Variants in UPK3BL2 observed in about 807,000 individuals in gnomAD.
UPK3BL2 encodes uroplakin-3b-like protein 2.
Under a neutral mutation model 11.3 loss-of-function variants are expected in UPK3BL2, and 1 was observed. That is an observed-to-expected ratio of 0.09 (90% CI 0.03 to 0.42). The LOEUF is 0.42. Among genes scored for constraint, UPK3BL2 ranks in the 10% least tolerant of loss-of-function variants. The probability of loss-of-function intolerance (pLI) is 0.98; values close to 1 mark genes in which losing one functional copy is unlikely to be tolerated.
intron 3 of UPK3BL2, among the ~76,000 whole-genome samples, chr7:102,540,857 A>AAACAAAAAAAAAC (rs1488444467): frequency 3.3e-5 from 3 of 92,286 alleles, no homozygotes; most frequent in East Asian, 6.4e-4. Context: ...AAACAAAACA[A>AAACAAAAAAAAAC]AAAAAAAAAA....
chr7:102,538,245 C>T (rs1425860666), downstream of UPK3BL2: 6 of 302,738 alleles, frequency 2.0e-5, no homozygotes, highest in Non-Finnish European at 3.1e-5. Flanking sequence ...GAGCCAAGAT[C>T]GCGCCAGCCT....
intron 3 of UPK3BL2, among the ~76,000 whole-genome samples, chr7:102,540,865 AAAAAAAAAAAAGAAGAAAAGG>A (rs1800232497): frequency 4.9e-5 from 6 of 121,724 alleles, no homozygotes; most frequent in African/African-American, 1.4e-4. Flanking sequence ...CAAAAAAAAA[AAAAAAAAAAAAGAAGAAAAGG>A]AAAAAAAAAA....
chr7:102,540,855 C>CAAAAAAAAAAAAAAAAAAAAAAAAAA (rs1158192702), intron 3 of UPK3BL2, among the ~76,000 whole-genome samples: 1 of 61,262 alleles, frequency 1.6e-5, no homozygotes, highest in African/African-American at 4.8e-5. Context: ...AAAAACAAAA[C>CAAAAAAAAAAAAAAAAAAAAAAAAAA]AAAAAAAAAA....
chr7:102,540,855 C>CA (rs1158192702), intron 3 of UPK3BL2, among the ~76,000 whole-genome samples: 2,860 of 61,570 alleles, frequency 0.046, 67 homozygotes, highest in African/African-American at 0.074. Context: ...AAAAACAAAA[C>CA]AAAAAAAAAA....
intron 1 of UPK3BL2, chr7:102,542,139 G>A (rs1432571009): frequency 1.0e-6 from 1 of 981,608 alleles, no homozygotes; most frequent in African/African-American, 1.7e-5. Context: ...TCGGGGGGAT[G>A]GCACAGGAAG....
chr7:102,543,000 A>G (rs1349550175), intron 1 of UPK3BL2, among the ~76,000 whole-genome samples: 6 of 144,860 alleles, frequency 4.1e-5, no homozygotes, highest in Admixed American at 1.4e-4. Context: ...TCTGTCTCGA[A>G]AAAAAAAAAA....
intron 3 of UPK3BL2, among the ~76,000 whole-genome samples, chr7:102,540,855 CAAAAAAAAA>C (rs1158192702): frequency 9.8e-5 from 6 of 61,264 alleles, no homozygotes; most frequent in African/African-American, 2.9e-4. Flanking sequence ...AAAAACAAAA[CAAAAAAAAA>C]AAAAAAAAAA....
chr7:102,540,886 G>GAAAAAA (rs374079023), intron 3 of UPK3BL2, among the ~76,000 whole-genome samples: 3 of 73,316 alleles, frequency 4.1e-5, no homozygotes, highest in East Asian at 4.8e-4. Flanking sequence ...AGAAGAAAAG[G>GAAAAAA]AAAAAAAAAA....
intron 3 of UPK3BL2, among the ~76,000 whole-genome samples, chr7:102,540,867 A>AAAC (rs1800232861): frequency 7.6e-6 from 1 of 132,038 alleles, no homozygotes; most frequent in Non-Finnish European, 1.7e-5. Context: ...AAAAAAAAAA[A>AAAC]AAAAAAAAAG....
chr7:102,538,088 G>A (rs1481291773), downstream of UPK3BL2: 1 of 26,042 alleles, frequency 3.8e-5, no homozygotes, highest in African/African-American at 4.9e-5. Context: ...GTCAAGAGAC[G>A]GAGGCCATCC....
At chr7:102,540,821 G>C in intron 3 of UPK3BL2, among the ~76,000 whole-genome samples, 1 of 134,108 alleles carries the variant, frequency 7.5e-6, no homozygotes, top group Non-Finnish European at 1.5e-5. Context: ...TCCAGCCTGG[G>C]TCACAGAGCA....
intron 3 of UPK3BL2, among the ~76,000 whole-genome samples, chr7:102,540,850 C>CAA (rs1800223967): frequency 1.6e-4 from 10 of 60,686 alleles, no homozygotes; most frequent in Non-Finnish European, 1.9e-4. Flanking sequence ...TCTCAAAAAA[C>CAA]AAAACAAAAA....
At position 102,540,855 on chromosome 7, in the gene UPK3BL2, C is replaced by CAAAACAAAAA. The variant is rs1479651896; in HGVS notation, c.485+237_485+238insTTTTTGTTTT. ...CAAGACTCCATCTCAAAAAACAAAA[C>CAAAACAAAAA]AAAAAAAAAAAAAAAAAAAAAGAAG... On this transcript the variant is annotated intron_variant, in intron 3 of 5. Coordinates refer to ENST00000644544, the Ensembl canonical transcript of UPK3BL2. 5.1e-3 allele frequency among the ~76,000 whole-genome samples: 310 copies of CAAAACAAAAA among 61,208 alleles called. 3 individuals are homozygous for CAAAACAAAAA. Among genetic ancestry groups the CAAAACAAAAA allele is most frequent in the Admixed American group, 0.011 (50 of 4,656 alleles). 40.2% of individuals were successfully genotyped at this position (61,208 alleles called of 152,430 possible). A position where few individuals can be genotyped will look rare whatever the true frequency, so the allele number is the denominator to read the frequency against.
intron 3 of UPK3BL2, among the ~76,000 whole-genome samples, chr7:102,540,870 A>AC (rs1800233766): frequency 7.6e-6 from 1 of 131,306 alleles, no homozygotes; most frequent in Admixed American, 7.8e-5. Flanking sequence ...AAAAAAAAAA[A>AC]AAAAAAGAAG....
chr7:102,542,922 C>T (rs1800332751), intron 1 of UPK3BL2, among the ~76,000 whole-genome samples: 1 of 152,088 alleles, frequency 6.6e-6, no homozygotes, highest in African/African-American at 2.4e-5. Flanking sequence ...TGCTTGAACC[C>T]GAGAGGCGGA....
chr7:102,540,857 A>AAAAAAAAAAAAC (rs1586799891), intron 3 of UPK3BL2, among the ~76,000 whole-genome samples: 3 of 92,332 alleles, frequency 3.2e-5, no homozygotes, highest in East Asian at 3.2e-4. Flanking sequence ...AAACAAAACA[A>AAAAAAAAAAAAC]AAAAAAAAAA....
At chr7:102,540,855 C>CAAAAAAAA (rs1158192702) in intron 3 of UPK3BL2, among the ~76,000 whole-genome samples, 91 of 61,252 alleles carry the variant, frequency 1.5e-3, no homozygotes, top group African/African-American at 2.7e-3. Context: ...AAAAACAAAA[C>CAAAAAAAA]AAAAAAAAAA....
Position 102,543,369 on chromosome 7 carries a change from G to C in UPK3BL2, c.112+156C>G, listed in dbSNP as rs1347749090. Among the ~76,000 whole-genome samples, 5 of 81,810 alleles carry C rather than the reference G, an allele frequency of 6.1e-5. No homozygotes were observed. In the East Asian group the frequency reaches 1.6e-3, roughly 26 times the overall value. The allele number at this position is 81,810 out of a possible 152,430, so 53.7% of individuals were successfully genotyped here. On this transcript the variant is annotated intron_variant, in intron 1 of 5. Coordinates refer to ENST00000644544, the Ensembl canonical transcript of UPK3BL2. ...GCTGGGCTTACCAGAGCTTCCTGGGGACATGCATTGTCCTGGACATCTGGA... is the reference window on the plus strand; with the variant it reads ...GCTGGGCTTACCAGAGCTTCCTGGGCACATGCATTGTCCTGGACATCTGGA...
chr7:102,540,777 C>A (rs1172654633), intron 3 of UPK3BL2, among the ~76,000 whole-genome samples: 1 of 145,584 alleles, frequency 6.9e-6, no homozygotes, highest in Non-Finnish European at 1.5e-5. Context: ...CCGGGAGGCA[C>A]AGGTTGCAGT....
Sources: allele counts gnomAD v4.1 joint callset (sites outside exome capture counted in the v4.1 genomes callset), GRCh38; gene constraint gnomAD v4.1.1; transcripts MANE v1.5; gene names NCBI Gene and HGNC (gene_info 2026-07-23, HGNC 2026-07-21).